The following ZNF90 variants were observed in gnomAD, a reference collection of about 807,000 sequenced individuals.
ZNF90 encodes the protein zinc finger protein HTF9.
In ZNF90, 11 loss-of-function variants were observed where a neutral mutation model predicts 12.0. The ratio of observed to expected loss-of-function variants is 0.92; its 90% confidence interval spans 0.58 to 1.52. The LOEUF is 1.52. ZNF90 is among the 40% of genes most tolerant of loss of function. The pLI, the probability that ZNF90 is intolerant of heterozygous loss-of-function variation, is 0.00. For missense variants in ZNF90, 765 were observed against 711.5 expected (o/e 1.08, Z -0.86); for synonymous variants, 232 against 240.1 (o/e 0.97, Z 0.31).
chr19:20,090,242 C>T (rs918873408), intron 1 of ZNF90, among the ~76,000 whole-genome samples: 1 of 152,048 alleles, frequency 6.6e-6, no homozygotes, highest in Non-Finnish European at 1.5e-5. Context: ...TTTTGGGGCT[C>T]GGCCTAAGTG....
chr19:20,093,280 G>A (rs1473334394), intron 1 of ZNF90, among the ~76,000 whole-genome samples: 2 of 152,208 alleles, frequency 1.3e-5, no homozygotes, highest in African/African-American at 2.4e-5. Flanking sequence ...TGTAAGGAGA[G>A]TTTATAGGTT....
At chr19:20,093,839 A>G (rs782461267) in intron 1 of ZNF90, among the ~76,000 whole-genome samples, 3 of 152,092 alleles carry the variant, frequency 2.0e-5, no homozygotes, top group Admixed American at 6.5e-5. Context: ...CTCGGCGTCC[A>G]TGATGGTCCA....
chr19:20,093,592 T>G (rs555140591), intron 1 of ZNF90, among the ~76,000 whole-genome samples: 1 of 152,172 alleles, frequency 6.6e-6, no homozygotes, highest in Admixed American at 6.5e-5. Context: ...TATCTTGGCC[T>G]AATAAGGGAA....
At chr19:20,100,614 G>C (rs7249965) in intron 1 of ZNF90, among the ~76,000 whole-genome samples, 9,935 of 152,118 alleles carry the variant, frequency 0.065, 560 homozygotes, top group East Asian at 0.24. Flanking sequence ...CTACTACACC[G>C]CAATTCAGCA....
chr19:20,088,994 C>G (rs2088881292), intron 1 of ZNF90, among the ~76,000 whole-genome samples: 1 of 152,070 alleles, frequency 6.6e-6, no homozygotes, highest in Non-Finnish European at 1.5e-5. Flanking sequence ...TGTGCCTGTC[C>G]AATTAGCAGG....
Position 20,118,865 on chromosome 19 carries a change from C to T in ZNF90, c.1311C>T (p.Ser437=). 2 of 1,609,052 alleles carry T rather than the reference C, an allele frequency of 1.2e-6. No homozygotes were observed. The highest frequency in any genetic ancestry group is 2.2e-5 in the South Asian group (2 of 90,464). Residue 437 remains serine, a synonymous_variant, in exon 4 of 4, where the codon TCC becomes TCT. Transcript: ENST00000418063. ...CQECDKVFKR[S]SALSTHKIIH... ...AATGTGACAAAGTCTTCAAACGCTC[C>T]TCAGCCCTTAGCACACATAAGATAA... is the stretch of plus-strand genomic sequence containing the variant.
intron 3 of ZNF90, among the ~76,000 whole-genome samples, chr19:20,113,776 G>A (rs569282775): frequency 1.6e-4 from 24 of 151,992 alleles, no homozygotes; most frequent in Admixed American, 1.3e-3. Context: ...TGCAGTGAGC[G>A]GAGATCGCGC....
intron 1 of ZNF90, among the ~76,000 whole-genome samples, chr19:20,085,278 T>TCTTTTTTTTTTTTTTTTTTA (rs1568282321): frequency 1.3e-5 from 2 of 149,444 alleles, no homozygotes; most frequent in Non-Finnish European, 3.0e-5. Flanking sequence ...CTTTTTTTTT[T>TCTTTTTTTTTTTTTTTTTTA]AGACGGAGTC....
chr19:20,111,850 A>G (rs888900654), intron 3 of ZNF90, among the ~76,000 whole-genome samples: 8 of 146,438 alleles, frequency 5.5e-5, no homozygotes, highest in Non-Finnish European at 1.2e-4. Flanking sequence ...TGTATTTATT[A>G]ACAGATTTAT....
intron 3 of ZNF90, among the ~76,000 whole-genome samples, chr19:20,115,405 A>G (rs1469519244): frequency 7.4e-6 from 1 of 135,206 alleles, no homozygotes; most frequent in Non-Finnish European, 1.5e-5. Context: ...TTTGTCTCTC[A>G]TTTTCCTTTC....
chr19:20,099,526 G>A (rs1427707582), intron 1 of ZNF90, among the ~76,000 whole-genome samples: 4 of 152,274 alleles, frequency 2.6e-5, no homozygotes, highest in South Asian at 2.1e-4. Flanking sequence ...TAAATCCCCT[G>A]TTAGGAAACC....
intron 1 of ZNF90, among the ~76,000 whole-genome samples, chr19:20,087,778 AAG>A (rs1264095962): frequency 1.3e-5 from 2 of 152,170 alleles, no homozygotes; most frequent in Admixed American, 1.3e-4. Context: ...TGAGTCCGAA[AAG>A]AGAGTCAGCA....
At chr19:20,110,751 G>A (rs1178355365) in intron 3 of ZNF90, among the ~76,000 whole-genome samples, 3 of 152,084 alleles carry the variant, frequency 2.0e-5, no homozygotes, top group Non-Finnish European at 1.5e-5. Context: ...GATTTTGTTT[G>A]TCATTGTGGG....
chr19:20,117,676 T>C (rs1319912842), intron 3 of ZNF90, 105 bp from the exon 4 acceptor site: 4 of 1,415,288 alleles, frequency 2.8e-6, no homozygotes, highest in Non-Finnish European at 3.7e-6. Flanking sequence ...CTTTCAGTTA[T>C]GTGTTTTCAT....
chr19:20,080,809 T>A (rs146387858), intron 1 of ZNF90, among the ~76,000 whole-genome samples: 1 of 152,326 alleles, frequency 6.6e-6, no homozygotes, highest in East Asian at 1.9e-4. Flanking sequence ...CTGTGCTGAC[T>A]CTGGGTGGTG....
In ZNF90 at chr19:20,119,665, G is replaced by A; in HGVS notation, c.*305G>A. 4 of 239,552 alleles carry A rather than the reference G, an allele frequency of 1.7e-5. No homozygotes were observed. The South Asian group carries it at 1.9e-4, about 11-fold the overall frequency. 14.8% of individuals were successfully genotyped at this position (239,552 alleles called of 1,614,324 possible). On this transcript the variant is annotated 3_prime_UTR_variant, in exon 4 of 4. Transcript: ENST00000418063. ...GAAGGAGTTTCATGCTTCTCACCCA[G>A]CCTGGAGTGCAATGGCACGATCTCT...
At chr19:20,080,219 G>A in intron 1 of ZNF90, 1 of 577,450 alleles carries the variant, frequency 1.7e-6, no homozygotes, top group East Asian at 4.5e-5. Flanking sequence ...CGTCCTGACG[G>A]TGTGCTGTTG....
At chr19:20,109,266 T>C (rs897977799) in intron 3 of ZNF90, among the ~76,000 whole-genome samples, 85 of 152,198 alleles carry the variant, frequency 5.6e-4, no homozygotes, top group African/African-American at 2.0e-3. Context: ...AAATTGTGCA[T>C]GTCTATCACA....
At chr19:20,093,205 A>C (rs1443489560) in intron 1 of ZNF90, among the ~76,000 whole-genome samples, 1 of 152,258 alleles carries the variant, frequency 6.6e-6, no homozygotes, top group Non-Finnish European at 1.5e-5. Context: ...TTTGGTTGAT[A>C]AGACGCAGAT....
Sources: gnomAD v4.1 joint callset for allele counts (sites outside exome capture counted in the v4.1 genomes callset) on GRCh38, gnomAD v4.1.1 for gene constraint, MANE v1.5 for transcripts, NCBI Gene and HGNC (gene_info 2026-07-23, HGNC 2026-07-21) for gene names.